AP2B1: variants seen among roughly 807,000 people sequenced by gnomAD.
The protein encoded by AP2B1 is adaptor related protein complex 2 subunit beta 1, also known as AP-2 complex subunit beta.
Under a neutral mutation model 102.0 loss-of-function variants are expected in AP2B1, and 23 were observed. That is an observed-to-expected ratio of 0.23 (90% confidence interval 0.16 to 0.32). The LOEUF (loss-of-function observed/expected upper bound fraction) is 0.32, where lower values mean the gene tolerates loss of function less well. AP2B1 is among the 10% of genes least tolerant of loss of function. The pLI is 1.00. For synonymous variants in AP2B1, 381 were observed against 421.2 expected, an observed-to-expected ratio of 0.90 and a Z score of 1.17; for missense variants, 541 against 1,157.4, an observed-to-expected ratio of 0.47 and a Z score of 7.73.
At chr17:35,667,237 A>G (rs1277465524) in intron 14 of AP2B1, among the ~76,000 whole-genome samples, 2 of 152,210 alleles carry the variant, frequency 1.3e-5, no homozygotes, top group Non-Finnish European at 2.9e-5. Context: ...TCTCCATTAG[A>G]ATATTTTTCA....
chr17:35,608,094 T>G (rs769007788), intron 4 of AP2B1, 48 bp from the exon 5 acceptor site: 1 of 1,604,828 alleles, frequency 6.2e-7, no homozygotes. Context: ...GACTGTTTAC[T>G]TTTAGCCACC....
At chr17:35,693,460 A>C (rs193196618) in intron 18 of AP2B1, among the ~76,000 whole-genome samples, 1 of 152,280 alleles carries the variant, frequency 6.6e-6, no homozygotes, top group East Asian at 1.9e-4. Context: ...TAATGAAAAC[A>C]TACTCCGTCT....
chr17:35,666,872 A>G, intron 14 of AP2B1, among the ~76,000 whole-genome samples: 1 of 152,230 alleles, frequency 6.6e-6, no homozygotes, highest in Admixed American at 6.5e-5. Context: ...GCAATGATTC[A>G]TACCTGTAAT....
intron 18 of AP2B1, among the ~76,000 whole-genome samples, chr17:35,693,675 A>T (rs900872414): frequency 2.6e-5 from 4 of 152,186 alleles, no homozygotes; most frequent in African/African-American, 9.7e-5. Flanking sequence ...TGAATGAAAG[A>T]TGATCCTTGA....
intron 11 of AP2B1, among the ~76,000 whole-genome samples, chr17:35,640,231 T>TTTC (rs552952264): frequency 0.032 from 787 of 24,948 alleles, 14 homozygotes; most frequent in African/African-American, 0.18. Flanking sequence ...TTACTGATTT[T>TTTC]TTTTTTTTTT....
intron 17 of AP2B1, among the ~76,000 whole-genome samples, chr17:35,679,214 A>G (rs1360178754): frequency 6.6e-6 from 1 of 152,140 alleles, no homozygotes; most frequent in East Asian, 1.9e-4. Context: ...GCTCTGGTGT[A>G]GCCACAGCTT....
intron 5 of AP2B1, among the ~76,000 whole-genome samples, chr17:35,623,673 C>T (rs1439820718): frequency 6.6e-6 from 1 of 152,098 alleles, no homozygotes; most frequent in Non-Finnish European, 1.5e-5. Flanking sequence ...AAATGCAACC[C>T]AGTTTCAAAG....
At chr17:35,623,584 A>G (rs975417211) in intron 5 of AP2B1, among the ~76,000 whole-genome samples, 1 of 152,134 alleles carries the variant, frequency 6.6e-6, no homozygotes, top group Non-Finnish European at 1.5e-5. Context: ...AATGCCACTG[A>G]TTATAAGATG....
At chr17:35,689,327 G>A (rs1025380484) in intron 18 of AP2B1, among the ~76,000 whole-genome samples, 13 of 151,976 alleles carry the variant, frequency 8.6e-5, no homozygotes, top group African/African-American at 1.4e-4. Context: ...TTACAGGCAC[G>A]TGCCACCATA....
chr17:35,623,097 A>ATTT (rs11397695), intron 5 of AP2B1, among the ~76,000 whole-genome samples: 19 of 146,476 alleles, frequency 1.3e-4, no homozygotes, highest in African/African-American at 4.0e-4. Flanking sequence ...GTATGTATGC[A>ATTT]TTTTTTTTTT....
intron 12 of AP2B1, among the ~76,000 whole-genome samples, chr17:35,646,566 A>G (rs759416717): frequency 2.4e-4 from 36 of 149,576 alleles, no homozygotes; most frequent in Admixed American, 4.0e-4. Flanking sequence ...GAACTCTCAA[A>G]TTTTTTTCAT....
chr17:35,598,390 T>C (rs1049055673), intron 3 of AP2B1, 55 bp downstream of exon 3: 6 of 1,038,860 alleles, frequency 5.8e-6, no homozygotes, highest in East Asian at 5.0e-5. Context: ...CCCCATCTTA[T>C]GGCCTTTACT....
At chr17:35,714,618 G>A (rs587707874) in intron 20 of AP2B1, among the ~76,000 whole-genome samples, 4 of 152,300 alleles carry the variant, frequency 2.6e-5, no homozygotes, top group Admixed American at 2.0e-4. Context: ...CCTGAGGCAG[G>A]AGGATAATGT....
chr17:35,672,143 C>T (rs2075602289), intron 16 of AP2B1, among the ~76,000 whole-genome samples: 2 of 152,116 alleles, frequency 1.3e-5, no homozygotes, highest in Admixed American at 1.3e-4. Context: ...GTTTTGTTCT[C>T]ATGTTTAGAA....
intron 2 of AP2B1, among the ~76,000 whole-genome samples, chr17:35,594,902 A>T (rs1304334230): frequency 6.6e-6 from 1 of 152,208 alleles, no homozygotes; most frequent in Admixed American, 6.5e-5. Context: ...ATTTCTAGAA[A>T]TGTGGAGGGT....
At chr17:35,681,708 G>A (rs1278828705) in intron 17 of AP2B1, among the ~76,000 whole-genome samples, 1 of 152,042 alleles carries the variant, frequency 6.6e-6, no homozygotes, top group Non-Finnish European at 1.5e-5. Context: ...TGGCCTCAGG[G>A]TGGAAATTCT....
intron 11 of AP2B1, 29 bp downstream of exon 11, chr17:35,639,789 T>G: frequency 6.2e-7 from 1 of 1,600,724 alleles, no homozygotes; most frequent in Non-Finnish European, 8.5e-7. Flanking sequence ...TCTATCCTAG[T>G]AGTTTTAGAT....
intron 5 of AP2B1, 31 bp downstream of exon 5, chr17:35,608,418 A>C: frequency 6.2e-7 from 1 of 1,611,712 alleles, no homozygotes; most frequent in Middle Eastern, 1.7e-4. Context: ...CAAAGAGAGC[A>C]GTATTTAAAA....
intron 5 of AP2B1, among the ~76,000 whole-genome samples, chr17:35,622,857 G>C (rs966666962): frequency 2.0e-5 from 3 of 152,000 alleles, no homozygotes; most frequent in Non-Finnish European, 4.4e-5. Context: ...GTAGAGACAG[G>C]GTTTCACCAT....
Sources: allele counts gnomAD v4.1 joint callset (sites outside exome capture counted in the v4.1 genomes callset), GRCh38; gene constraint gnomAD v4.1.1; transcripts MANE v1.5; gene names NCBI Gene and HGNC (gene_info 2026-07-23, HGNC 2026-07-21).